FRMD4A: variants seen among roughly 807,000 people sequenced by gnomAD.
FRMD4A encodes FERM domain containing 4A.
A neutral mutation model predicts 129.1 loss-of-function variants in FRMD4A; 29 were observed. That is an observed-to-expected ratio of 0.22 (90% confidence interval 0.17 to 0.31). The LOEUF (loss-of-function observed/expected upper bound fraction) is 0.31, where lower values mean the gene tolerates loss of function less well. Among genes scored for constraint, FRMD4A ranks in the 10% least tolerant of loss-of-function variants. FRMD4A has a pLI of 1.00. For synonymous variants in FRMD4A, 634 were observed against 571.6 expected (o/e 1.11, Z -1.56); for missense variants, 1,272 against 1,375.8 (o/e 0.92, Z 1.19).
At chr10:14,030,657 T>C (rs940078180) in intron 2 of FRMD4A, among the ~76,000 whole-genome samples, 3 of 152,210 alleles carry the variant, frequency 2.0e-5, no homozygotes, top group Admixed American at 6.5e-5. Context: ...AGCTATCTCT[T>C]GGAGAACAGA....
intron 2 of FRMD4A, among the ~76,000 whole-genome samples, chr10:14,026,933 T>A (rs994520221): frequency 6.6e-6 from 1 of 152,166 alleles, no homozygotes; most frequent in African/African-American, 2.4e-5. Context: ...AACATCAAAT[T>A]TTCTTTCTTT....
At chr10:14,012,176 G>A (rs935696854) in intron 2 of FRMD4A, among the ~76,000 whole-genome samples, 1 of 149,800 alleles carries the variant, frequency 6.7e-6, no homozygotes, top group East Asian at 2.0e-4. Context: ...GGGGAAAGAT[G>A]CCTCAGGGAT....
intron 2 of FRMD4A, among the ~76,000 whole-genome samples, chr10:14,219,848 T>G (rs1398218537): frequency 6.6e-6 from 1 of 152,190 alleles, no homozygotes; most frequent in Non-Finnish European, 1.5e-5. Flanking sequence ...TTTTTTCAGA[T>G]GTTTAATCAC....
At chr10:13,856,118 A>G (rs61833452) in intron 3 of FRMD4A, among the ~76,000 whole-genome samples, 3 of 151,794 alleles carry the variant, frequency 2.0e-5, no homozygotes, top group Non-Finnish European at 2.9e-5. Context: ...GTATCTATCT[A>G]TGTATAGGTA....
At chr10:13,891,569 G>C in intron 2 of FRMD4A, 6 of 980,540 alleles carry the variant, frequency 6.1e-6, no homozygotes, top group South Asian at 4.7e-5. Context: ...GGAAGGCGAA[G>C]GGCTGCCGTC....
intron 8 of FRMD4A, among the ~76,000 whole-genome samples, chr10:13,748,647 T>C (rs976596396): frequency 2.6e-5 from 4 of 152,126 alleles, no homozygotes; most frequent in African/African-American, 9.7e-5. Flanking sequence ...TGAACTGCGT[T>C]GTCTGGGCCA....
chr10:14,167,530 C>T lies in FRMD4A; in HGVS notation c.45+162528G>A, dbSNP rs555941310. Among the ~76,000 whole-genome samples the T allele has an allele frequency of 3.6e-3, 454 of 125,788 alleles. 4 individuals are homozygous for T. The highest frequency in any genetic ancestry group is 0.012 in the African/African-American group (406 of 32,722). The allele number at this position is 125,788 out of a possible 152,430, so 82.5% of individuals were successfully genotyped here. A position where few individuals can be genotyped will look rare whatever the true frequency, so the allele number is the denominator to read the frequency against. On this transcript the variant is annotated intron_variant, in intron 2 of 24. Transcript: ENST00000357447. ...CCAGCCTGGGTGACAGAGCAAGACT[C>T]CGTCTCTCAAAAAAAAAAAAAAAAA...
chr10:13,887,224 T>C (rs967086146), intron 2 of FRMD4A, among the ~76,000 whole-genome samples: 12 of 152,200 alleles, frequency 7.9e-5, no homozygotes, highest in African/African-American at 2.9e-4. Flanking sequence ...TTCTTCTTGA[T>C]TATTTGGTAG....
chr10:14,022,494 T>A (rs992381386), intron 2 of FRMD4A, among the ~76,000 whole-genome samples: 3 of 152,232 alleles, frequency 2.0e-5, no homozygotes, highest in Non-Finnish European at 4.4e-5. Context: ...TGGAATCACA[T>A]GATTTAATAT....
chr10:13,848,043 C>T (rs2094079034), intron 3 of FRMD4A, among the ~76,000 whole-genome samples: 1 of 152,158 alleles, frequency 6.6e-6, no homozygotes, highest in African/African-American at 2.4e-5. Flanking sequence ...TAAATACAGT[C>T]GTTTGCATTT....
chr10:13,684,174 G>A (rs2084870073), intron 15 of FRMD4A: 1 of 219,050 alleles, frequency 4.6e-6, no homozygotes, highest in African/African-American at 2.3e-5. Flanking sequence ...TGTTGTTTTT[G>A]GCGACCTTAT....
At chr10:14,022,435 A>G (rs1003789696) in intron 2 of FRMD4A, among the ~76,000 whole-genome samples, 10 of 152,234 alleles carry the variant, frequency 6.6e-5, no homozygotes, top group Non-Finnish European at 1.3e-4. Context: ...CTTGACCTCC[A>G]AAACCTTGTG....
intron 24 of FRMD4A, chr10:13,649,574 A>AT (rs142179642): frequency 2.0e-5 from 3 of 147,538 alleles, no homozygotes; most frequent in Non-Finnish European, 4.4e-5. Context: ...GTAAAGATGT[A>AT]TTTTTTCCAA....
At chr10:13,994,100 C>T (rs1318216406) in intron 2 of FRMD4A, among the ~76,000 whole-genome samples, 1 of 151,152 alleles carries the variant, frequency 6.6e-6, no homozygotes, top group Non-Finnish European at 1.5e-5. Flanking sequence ...ACCTTCACCT[C>T]CCGGGTTCAG....
chr10:13,674,896 C>T lies in FRMD4A; in HGVS notation c.1251+15G>A, dbSNP rs1259159787. ...ACAACACCAATTTCAACGGGATGAG[C>T]TAGGAAAGGCTTACAGCTTCTCGGA... On this transcript the variant is annotated intron_variant, in intron 16 of 24. Transcript: ENST00000357447. 1 of 1,613,366 alleles carries T rather than the reference C, an allele frequency of 6.2e-7. No homozygotes were observed. Among genetic ancestry groups the T allele is most frequent in the African/African-American group, 1.3e-5 (1 of 74,912 alleles).
chr10:14,209,927 C>T (rs1185841024), intron 2 of FRMD4A, among the ~76,000 whole-genome samples: 2 of 151,856 alleles, frequency 1.3e-5, no homozygotes, highest in Non-Finnish European at 2.9e-5. Flanking sequence ...AGGAGGAAGC[C>T]ATGTGAAGAT....
chr10:14,313,267 G>T (rs766166770), intron 2 of FRMD4A, among the ~76,000 whole-genome samples: 1 of 152,010 alleles, frequency 6.6e-6, no homozygotes, highest in Non-Finnish European at 1.5e-5. Flanking sequence ...GGAGGCTGAG[G>T]TGGGAGGATC....
intron 2 of FRMD4A, among the ~76,000 whole-genome samples, chr10:13,869,067 C>G (rs911733530): frequency 2.0e-5 from 3 of 152,168 alleles, no homozygotes; most frequent in African/African-American, 4.8e-5. Context: ...GCTGCTGCTG[C>G]TGCTCATGCA....
intron 2 of FRMD4A, among the ~76,000 whole-genome samples, chr10:13,894,831 A>T (rs2094739653): frequency 6.6e-6 from 1 of 152,184 alleles, no homozygotes; most frequent in Admixed American, 6.5e-5. Context: ...CACCATCAGG[A>T]TTCACAGACC....
Sources: gnomAD v4.1 joint callset for allele counts (sites outside exome capture counted in the v4.1 genomes callset) on GRCh38, gnomAD v4.1.1 for gene constraint, MANE v1.5 for transcripts, NCBI Gene and HGNC (gene_info 2026-07-23, HGNC 2026-07-21) for gene names.